SLC9D1: variants seen among roughly 807,000 people sequenced by gnomAD.
The protein encoded by SLC9D1 is solute carrier family 9 member D1.
At chr13:113,531,531 G>A in the SLC9D1 span, among the ~76,000 whole-genome samples, 1 of 150,316 alleles carries the variant, frequency 6.7e-6, no homozygotes, top group East Asian at 2.0e-4. Flanking sequence ...CGTACGTGCA[G>A]ATCAAGAGCA....
the SLC9D1 span, chr13:113,514,590 C>T: frequency 1.5e-5 from 2 of 131,814 alleles, no homozygotes; most frequent in South Asian, 2.4e-4. Flanking sequence ...GGACTGAGAT[C>T]GACGCCATCC....
At chr13:113,536,125 C>T in the SLC9D1 span, among the ~76,000 whole-genome samples, 2 of 152,154 alleles carry the variant, frequency 1.3e-5, no homozygotes, top group Non-Finnish European at 2.9e-5. Flanking sequence ...CGCCTGTAAT[C>T]GCAGCACTTT....
the SLC9D1 span, among the ~76,000 whole-genome samples, chr13:113,540,105 A>T: frequency 6.6e-6 from 1 of 152,138 alleles, no homozygotes; most frequent in Non-Finnish European, 1.5e-5. Context: ...CATTTTCTTT[A>T]TCTGGTCCAC....
the SLC9D1 span, among the ~76,000 whole-genome samples, chr13:113,538,855 G>A: frequency 6.6e-6 from 1 of 152,234 alleles, no homozygotes; most frequent in Non-Finnish European, 1.5e-5. Context: ...CCGTCCGGCC[G>A]GCGCGCTGAT....
the SLC9D1 span, chr13:113,528,939 A>G: frequency 6.6e-6 from 1 of 152,194 alleles, no homozygotes; most frequent in African/African-American, 2.4e-5. Context: ...CTTCTAGTTA[A>G]GAGGTCTGAG....
the SLC9D1 span, among the ~76,000 whole-genome samples, chr13:113,515,633 G>T: frequency 1.3e-5 from 2 of 152,114 alleles, no homozygotes; most frequent in East Asian, 3.9e-4. Context: ...GGCTCACGCT[G>T]GTAATCCCAG....
chr13:113,549,858 T>C, the SLC9D1 span: 5 of 567,868 alleles, frequency 8.8e-6, no homozygotes, highest in East Asian at 1.2e-4. Flanking sequence ...CTATTGTGAG[T>C]TCATCAGTTC....
the SLC9D1 span, among the ~76,000 whole-genome samples, chr13:113,512,509 G>A: frequency 1.3e-4 from 19 of 151,750 alleles, no homozygotes; most frequent in African/African-American, 4.6e-4. Flanking sequence ...AGGTTGGAGT[G>A]TAGACGGAGA....
chr13:113,491,496 C>T, the SLC9D1 span, among the ~76,000 whole-genome samples: 4 of 151,312 alleles, frequency 2.6e-5, no homozygotes, highest in South Asian at 4.2e-4. Context: ...TTCCTTCCTT[C>T]CCTCCCTCCC....
At chr13:113,511,590 G>A in the SLC9D1 span, among the ~76,000 whole-genome samples, 5 of 152,390 alleles carry the variant, frequency 3.3e-5, no homozygotes, top group South Asian at 2.1e-4. Flanking sequence ...GACGCTGGAC[G>A]GGTGGCCCCG....
At chr13:113,548,328 C>T in the SLC9D1 span, 1 of 1,614,048 alleles carries the variant, frequency 6.2e-7, no homozygotes, top group East Asian at 2.2e-5. Flanking sequence ...CTGGTCCTGT[C>T]TCTCATTCTG....
At chr13:113,511,276 G>A in the SLC9D1 span, among the ~76,000 whole-genome samples, 1 of 152,234 alleles carries the variant, frequency 6.6e-6, no homozygotes, top group Non-Finnish European at 1.5e-5. Context: ...TCACTCTGAC[G>A]TTCACCCTGC....
chr13:113,535,106 A>G, the SLC9D1 span: 1 of 152,276 alleles, frequency 6.6e-6, no homozygotes, highest in Non-Finnish European at 1.5e-5. This position sits in a 1 kb window ranked among gnomAD's most constrained non-coding sequence, Gnocchi z 4.1. Flanking sequence ...CTGTGATGAT[A>G]AAAAGCGCCA....
At chr13:113,494,214 C>T in the SLC9D1 span, among the ~76,000 whole-genome samples, 1 of 152,182 alleles carries the variant, frequency 6.6e-6, no homozygotes, top group African/African-American at 2.4e-5. Flanking sequence ...TTACTTTAAA[C>T]TGTAAATCTG....
chr13:113,495,934 A>G, the SLC9D1 span: 1 of 1,614,088 alleles, frequency 6.2e-7, no homozygotes, highest in Non-Finnish European at 8.5e-7. Context: ...TACGGACTGC[A>G]GAGAGCCCTG....
the SLC9D1 span, chr13:113,500,190 C>G: frequency 7.6e-7 from 1 of 1,315,662 alleles, no homozygotes; most frequent in South Asian, 2.2e-5. Context: ...CCCCCAATTC[C>G]TGGTTCATGG....
At chr13:113,506,654 C>G in the SLC9D1 span, among the ~76,000 whole-genome samples, 1 of 151,974 alleles carries the variant, frequency 6.6e-6, no homozygotes. Flanking sequence ...GAAGTTCTGG[C>G]TGTGCAGCAG....
the SLC9D1 span, chr13:113,499,968 T>C: frequency 6.7e-7 from 1 of 1,496,766 alleles, no homozygotes. Context: ...GTCAAGGGGG[T>C]CAATTTTGAG....
At chr13:113,494,939 A>G in the SLC9D1 span, among the ~76,000 whole-genome samples, 1 of 152,028 alleles carries the variant, frequency 6.6e-6, no homozygotes, top group Non-Finnish European at 1.5e-5. Flanking sequence ...GCTGGAGTAC[A>G]ATGGCGTGAT....
Sources: gnomAD v4.1 joint callset for allele counts (sites outside exome capture counted in the v4.1 genomes callset) on GRCh38, gnomAD v4.1.1 for gene constraint, Gnocchi (gnomAD v3.1) non-coding constraint, MANE v1.5 for transcripts, NCBI Gene and HGNC (gene_info 2026-07-23, HGNC 2026-07-21) for gene names.